The following MGAT4C variants were observed in gnomAD, a reference collection of about 807,000 sequenced individuals.
MGAT4C encodes the protein MGAT4 family member C.
MGAT4C carries 19 observed loss-of-function variants against 40.1 expected under a neutral mutation model. The observed-to-expected ratio is 0.47, with a 90% confidence interval of 0.33 to 0.70. The LOEUF is 0.70. Ranked by LOEUF, MGAT4C falls within the 30% of genes least tolerant of loss-of-function variation. The pLI is 0.02. For synonymous variants in MGAT4C, 181 were observed against 187.1 expected (o/e 0.97, Z 0.27); for missense variants, 491 against 563.2 (o/e 0.87, Z 1.30).
chr12:85,974,705 G>A lies in MGAT4C; in HGVS notation c.*4584C>T, dbSNP rs962601505. On this transcript the variant is annotated 3_prime_UTR_variant, in exon 5 of 5. Transcript: ENST00000611864. ...TTTAAAAGCAAACAAAAAATAAATGGCAATAACTAATCACATTGAATTTTG... is the reference window on the plus strand; with the variant it reads ...TTTAAAAGCAAACAAAAAATAAATGACAATAACTAATCACATTGAATTTTG... The A allele has an allele frequency of 3.3e-5, 5 of 150,456 alleles. No individual in the cohort carries two copies. Among genetic ancestry groups the A allele is most frequent in the Admixed American group, 2.0e-4 (3 of 15,046 alleles). The allele number at this position is 150,456 out of a possible 1,614,324, so 9.3% of individuals were successfully genotyped here.
chr12:86,642,934 T>G (rs1473797741), intron 2 of MGAT4C, among the ~76,000 whole-genome samples: 1 of 151,804 alleles, frequency 6.6e-6, no homozygotes, highest in Admixed American at 6.6e-5. Context: ...TGTAAAATGA[T>G]GTAACTGCTT....
intron 2 of MGAT4C, among the ~76,000 whole-genome samples, chr12:86,621,124 T>C (rs1423339432): frequency 6.6e-6 from 1 of 152,052 alleles, no homozygotes; most frequent in Non-Finnish European, 1.5e-5. Flanking sequence ...ATTATAATTT[T>C]ATATAGTACC....
rs1436923020 is a variant in MGAT4C, at chr12:85,975,746, C to T, written c.*3543G>A. On this transcript the variant is annotated 3_prime_UTR_variant, in exon 5 of 5. Transcript: ENST00000611864. ...TAATATTAAATCTTACAAGAAACCC[C>T]CCAAAATCAGTTGAATTTGTACAAA... 6.6e-6 allele frequency: 1 copy of T among 150,748 alleles called. No homozygotes were observed. The highest frequency in any genetic ancestry group is 2.4e-5 in the African/African-American group (1 of 41,274). The allele number at this position is 150,748 out of a possible 1,614,324, so 9.3% of individuals were successfully genotyped here.
intron 2 of MGAT4C, among the ~76,000 whole-genome samples, chr12:86,666,486 TTTTGAAAAAAAATGCAGAA>T (rs1385296315): frequency 6.6e-6 from 1 of 152,190 alleles, no homozygotes; most frequent in Non-Finnish European, 1.5e-5. Flanking sequence ...TCACTTGCTC[TTTTGAAAAAAAATGCAGAA>T]AAATAGGATC....
At chr12:86,268,294 G>C (rs943082087) in intron 4 of MGAT4C, among the ~76,000 whole-genome samples, 1 of 151,998 alleles carries the variant, frequency 6.6e-6, no homozygotes, top group African/African-American at 2.4e-5. Context: ...TTGAAAGCCA[G>C]ACTTTGGACT....
intron 1 of MGAT4C, among the ~76,000 whole-genome samples, chr12:86,813,292 G>A (rs1282056450): frequency 1.3e-5 from 2 of 149,964 alleles, no homozygotes; most frequent in Non-Finnish European, 3.0e-5. Context: ...TACATTTCAA[G>A]TCTTGTTCAA....
chr12:86,337,680 T>A (rs1189914184), intron 3 of MGAT4C, among the ~76,000 whole-genome samples: 1 of 152,040 alleles, frequency 6.6e-6, no homozygotes, highest in Non-Finnish European at 1.5e-5. Flanking sequence ...GCTAAAACTT[T>A]GTTTGAGTAA....
intron 2 of MGAT4C, among the ~76,000 whole-genome samples, chr12:86,580,772 A>G (rs1960749267): frequency 1.3e-5 from 2 of 151,442 alleles, no homozygotes; most frequent in Non-Finnish European, 3.0e-5. Context: ...TTTCTTCTCT[A>G]TATGCTGTAG....
chr12:86,554,784 T>C (rs1959530172), intron 2 of MGAT4C, among the ~76,000 whole-genome samples: 1 of 152,180 alleles, frequency 6.6e-6, no homozygotes, highest in African/African-American at 2.4e-5. Context: ...GAAACTCTGG[T>C]TTAAAACAAC....
intron 2 of MGAT4C, among the ~76,000 whole-genome samples, chr12:86,628,532 A>C (rs796533913): frequency 1.3e-5 from 2 of 152,250 alleles, no homozygotes; most frequent in African/African-American, 2.4e-5. Context: ...AGCCCATCAG[A>C]CTAATAGCAG....
Position 86,379,611 on chromosome 12 carries a change from A to G in MGAT4C, c.-119-45484T>C, listed in dbSNP as rs555750548. 9.3e-4 allele frequency among the ~76,000 whole-genome samples: 141 copies of G among 152,250 alleles called. 1 individual carries two copies. The highest frequency in any genetic ancestry group is 3.1e-3 in the African/African-American group (127 of 41,572). ...CACAGCATTAGATAAATATTTGACC[A>G]GTGAATGAGCAAAGGAAAAAAACTG... On this transcript the variant is annotated intron_variant, in intron 3 of 7. Coordinates refer to the MGAT4C transcript ENST00000548651.
At chr12:86,613,929 T>A (rs997489789) in intron 2 of MGAT4C, among the ~76,000 whole-genome samples, 1 of 151,944 alleles carries the variant, frequency 6.6e-6, no homozygotes, top group Non-Finnish European at 1.5e-5. Flanking sequence ...TTGAAAGACA[T>A]AAAAACACAC....
At chr12:86,602,533 A>G (rs1272176319) in intron 2 of MGAT4C, among the ~76,000 whole-genome samples, 2 of 152,206 alleles carry the variant, frequency 1.3e-5, no homozygotes, top group African/African-American at 4.8e-5. Context: ...GAAATCTAAC[A>G]TAAGAAAATT....
intron 1 of MGAT4C, among the ~76,000 whole-genome samples, chr12:86,211,404 T>TAAA: frequency 3.5e-4 from 2 of 5,642 alleles, no homozygotes; most frequent in Admixed American, 2.4e-3. Context: ...CTACTACAAA[T>TAAA]ACAAAAAAAA....
intron 2 of MGAT4C, among the ~76,000 whole-genome samples, chr12:86,605,837 T>C (rs183294085): frequency 7.6e-4 from 115 of 152,256 alleles, no homozygotes; most frequent in Middle Eastern, 6.8e-3. Flanking sequence ...TCACAGTTTA[T>C]AGGCTAAGAG....
At chr12:86,289,298 T>C (rs1953441054) in intron 4 of MGAT4C, among the ~76,000 whole-genome samples, 2 of 152,168 alleles carry the variant, frequency 1.3e-5, no homozygotes, top group Non-Finnish European at 2.9e-5. Flanking sequence ...CAAGCTGTTT[T>C]GGTTACTGTT....
chr12:86,012,778 A>AACAACAACAACAACAACAACCACC (rs1308194133), intron 2 of MGAT4C, among the ~76,000 whole-genome samples: 1 of 136,348 alleles, frequency 7.3e-6, no homozygotes, highest in Non-Finnish European at 1.6e-5. Context: ...CAACAACAAC[A>AACAACAACAACAACAACAACCACC]ACCACCACCA....
chr12:86,313,533 G>C (rs1297430800), intron 4 of MGAT4C, among the ~76,000 whole-genome samples: 1 of 152,094 alleles, frequency 6.6e-6, no homozygotes, highest in Non-Finnish European at 1.5e-5. Context: ...AATCAGCAAA[G>C]ACCTATAAGG....
rs536345624 is a variant in MGAT4C at position 85,977,276 on chromosome 12, A to G, written c.*2013T>C. ...TCTTGATATTACATGTCTTTGGCAT[A>G]CAATTGTGTACCTTTTATCATTGAC... is the stretch of plus-strand genomic sequence containing the variant. On this transcript the variant is annotated 3_prime_UTR_variant, in exon 5 of 5. Transcript: ENST00000611864. The G allele has an allele frequency of 6.6e-6, 1 of 151,588 alleles. No individual in the cohort carries two copies. The highest frequency in any genetic ancestry group is 2.1e-4 in the South Asian group (1 of 4,834). 9.4% of individuals were successfully genotyped at this position (151,588 alleles called of 1,614,324 possible).
Sources: allele counts gnomAD v4.1 joint callset (sites outside exome capture counted in the v4.1 genomes callset), GRCh38; gene constraint gnomAD v4.1.1; transcripts MANE v1.5; gene names NCBI Gene and HGNC (gene_info 2026-07-23, HGNC 2026-07-21).